NTRK3: variants seen among roughly 807,000 people sequenced by gnomAD.
NTRK3 encodes NT-3 growth factor receptor.
Under a neutral mutation model 91.7 loss-of-function variants are expected in NTRK3, and 24 were observed. The ratio of observed to expected loss-of-function variants is 0.26; its 90% CI spans 0.19 to 0.37. The LOEUF (loss-of-function observed/expected upper bound fraction) is 0.37, where lower values mean the gene tolerates loss of function less well. Among genes scored for constraint, NTRK3 ranks in the 10% least tolerant of loss-of-function variants. The pLI is 1.00. For missense variants in NTRK3, 880 were observed against 1,068.9 expected (o/e 0.82, Z 2.46); for synonymous variants, 483 against 404.0 (o/e 1.20, Z -2.34).
At chr15:88,246,066 C>A (rs977919897) in intron 3 of NTRK3, among the ~76,000 whole-genome samples, 1 of 152,164 alleles carries the variant, frequency 6.6e-6, no homozygotes, top group South Asian at 2.1e-4. Context: ...GAGTCACAGG[C>A]CCCAGACCAG....
intron 14 of NTRK3, among the ~76,000 whole-genome samples, chr15:87,980,330 T>C (rs2074115706): frequency 2.0e-5 from 3 of 148,178 alleles, no homozygotes; most frequent in African/African-American, 7.6e-5. Flanking sequence ...TGTGTGTGCA[T>C]TTGCATGTGT....
chr15:88,156,028 T>C (rs2043865151), intron 5 of NTRK3, among the ~76,000 whole-genome samples: 1 of 152,198 alleles, frequency 6.6e-6, no homozygotes. Context: ...AGACATTGCC[T>C]GAAGTCCCCA....
intron 13 of NTRK3, among the ~76,000 whole-genome samples, chr15:88,048,454 A>G (rs563742596): frequency 4.5e-4 from 69 of 152,336 alleles, no homozygotes; most frequent in African/African-American, 1.6e-3. Flanking sequence ...TTTGAGCCCC[A>G]TCACTTAATG....
At chr15:87,922,730 C>A (rs6496457) in intron 17 of NTRK3, among the ~76,000 whole-genome samples, 8 of 151,646 alleles carry the variant, frequency 5.3e-5, no homozygotes, top group Non-Finnish European at 7.4e-5. Context: ...GTTAGAATTT[C>A]GACATATTCT....
chr15:88,017,535 C>T (rs753479120), intron 14 of NTRK3, among the ~76,000 whole-genome samples: 118 of 152,212 alleles, frequency 7.8e-4, no homozygotes, highest in Non-Finnish European at 1.2e-3. Context: ...ATGTCTCCAT[C>T]TCACCTTAGC....
intron 17 of NTRK3, among the ~76,000 whole-genome samples, chr15:87,899,954 T>G (rs1226852282): frequency 6.6e-6 from 1 of 152,158 alleles, no homozygotes; most frequent in Admixed American, 6.5e-5. Context: ...AATGTACTCT[T>G]CATCCAATGG....
chr15:88,155,204 T>G (rs111519816), intron 5 of NTRK3, among the ~76,000 whole-genome samples: 1 of 152,088 alleles, frequency 6.6e-6, no homozygotes, highest in African/African-American at 2.4e-5. Context: ...CCCAAGGTAA[T>G]CATAAGGGGC....
intron 14 of NTRK3, among the ~76,000 whole-genome samples, chr15:87,969,539 C>T (rs945702793): frequency 1.1e-4 from 16 of 152,294 alleles, no homozygotes; most frequent in African/African-American, 3.6e-4. Flanking sequence ...TGGCCATAAA[C>T]TATCATGTGA....
At chr15:87,933,083 C>T (rs563080315) in exon 16 of NTRK3, 1 of 1,614,106 alleles carries the variant, frequency 6.2e-7, no homozygotes, top group South Asian at 1.1e-5. Flanking sequence ...CATCGCCGCA[C>T]ACTCCATAGA....
intron 5 of NTRK3, among the ~76,000 whole-genome samples, chr15:88,173,310 C>G (rs1191441027): frequency 1.3e-5 from 2 of 152,194 alleles, no homozygotes; most frequent in Admixed American, 6.5e-5. Context: ...CTTATCTACT[C>G]TGGCCCATAT....
rs1403759307 is a variant in NTRK3, at chr15:88,233,491, T to C, written c.248+22415A>G. 6.6e-6 allele frequency among the ~76,000 whole-genome samples: 1 copy of C among 152,088 alleles called. No individual in the cohort carries two copies. Among genetic ancestry groups the C allele is most frequent in the East Asian group, 1.9e-4 (1 of 5,174 alleles). On this transcript the variant is annotated intron_variant, in intron 3 of 18. Coordinates refer to ENST00000394480, the Ensembl canonical transcript of NTRK3. The surrounding 1 kb of genome is among the most constrained non-coding windows in gnomAD (Gnocchi z 4.2). ...TAGCACACTGAAACCACAGTTAGCATCCTCGAAAGAGCAAATCCCAAGACC... is the reference window on the plus strand; with the variant it reads ...TAGCACACTGAAACCACAGTTAGCACCCTCGAAAGAGCAAATCCCAAGACC...
chr15:87,986,220 C>T (rs1402668610), intron 14 of NTRK3, among the ~76,000 whole-genome samples: 1 of 152,116 alleles, frequency 6.6e-6, no homozygotes, highest in African/African-American at 2.4e-5. Flanking sequence ...AAATATCTGT[C>T]TTTGTATTCA....
At chr15:87,987,986 C>T (rs1052959168) in intron 14 of NTRK3, among the ~76,000 whole-genome samples, 4 of 152,252 alleles carry the variant, frequency 2.6e-5, no homozygotes, top group South Asian at 2.1e-4. Flanking sequence ...CACTCAAGGA[C>T]GTAGAGTTTC....
intron 13 of NTRK3, among the ~76,000 whole-genome samples, chr15:88,121,293 G>C (rs944239341): frequency 9.2e-5 from 14 of 152,150 alleles, no homozygotes; most frequent in Non-Finnish European, 1.3e-4. Context: ...AAATGATGAT[G>C]GTGCACTATG....
intron 3 of NTRK3, among the ~76,000 whole-genome samples, chr15:88,206,658 GAAA>G (rs758639696): frequency 3.4e-5 from 2 of 59,608 alleles, no homozygotes; most frequent in African/African-American, 1.0e-4. Flanking sequence ...ACTCCGTCTC[GAAA>G]AAAAAAAAAA....
At chr15:88,033,180 A>G (rs1307134808) in intron 13 of NTRK3, 135 bp from the exon 14 acceptor site, 4 of 70,386 alleles carry the variant, frequency 5.7e-5, no homozygotes, top group Non-Finnish European at 1.1e-4. Context: ...GGTGTGTTAT[A>G]TATATATATA....
exon 9 of NTRK3, chr15:88,135,962 G>A (rs765551152): frequency 6.2e-7 from 1 of 1,614,264 alleles, no homozygotes; most frequent in South Asian, 1.1e-5. Flanking sequence ...ATGCACGTCA[G>A]GGTGAAGCCA....
intron 17 of NTRK3, among the ~76,000 whole-genome samples, chr15:87,917,228 T>A (rs1196260321): frequency 6.6e-6 from 1 of 152,204 alleles, no homozygotes; most frequent in Admixed American, 6.5e-5. Context: ...AACTTCCCAC[T>A]TCTAAAGAAT....
intron 17 of NTRK3, chr15:87,916,280 T>G: frequency 2.8e-6 from 1 of 359,806 alleles, no homozygotes; most frequent in Non-Finnish European, 5.1e-6. Context: ...TATGTATCTT[T>G]TTATGTTATA....
Sources: gnomAD v4.1 joint callset for allele counts (sites outside exome capture counted in the v4.1 genomes callset) on GRCh38, gnomAD v4.1.1 for gene constraint, Gnocchi (gnomAD v3.1) non-coding constraint, MANE v1.5 for transcripts, NCBI Gene and HGNC (gene_info 2026-07-23, HGNC 2026-07-21) for gene names.